Variants in NR2C2 observed in about 807,000 individuals in gnomAD.
NR2C2 encodes nuclear receptor subfamily 2 group C member 2, also known as Nuclear hormone receptor TR4.
A neutral mutation model predicts 62.9 loss-of-function variants in NR2C2; 6 were observed. That is an observed-to-expected ratio of 0.10 (90% CI 0.05 to 0.19). NR2C2 has a LOEUF of 0.19. NR2C2 is among the 10% of genes least tolerant of loss of function. The probability of loss-of-function intolerance (pLI) is 1.00; values close to 1 mark genes in which losing one functional copy is unlikely to be tolerated. For missense variants in NR2C2, 479 were observed against 762.7 expected (o/e 0.63, Z 4.38); for synonymous variants, 272 against 273.8 (o/e 0.99, Z 0.07).
chr3:14,967,511 A>T (rs1290901865), intron 1 of NR2C2, among the ~76,000 whole-genome samples: 1 of 152,114 alleles, frequency 6.6e-6, no homozygotes, highest in Non-Finnish European at 1.5e-5. Flanking sequence ...TAACAATGAA[A>T]TGACTGTGAA....
chr3:15,029,468 TTGTTCACTTGTGGTC>T (rs2041909513), intron 8 of NR2C2, among the ~76,000 whole-genome samples: 1 of 152,192 alleles, frequency 6.6e-6, no homozygotes, highest in South Asian at 2.1e-4. Flanking sequence ...TTCCAGTCCT[TTGTTCACTTGTGGTC>T]TGATAACAAA....
At chr3:14,952,800 T>G (rs1273274472) in intron 1 of NR2C2, among the ~76,000 whole-genome samples, 1 of 152,230 alleles carries the variant, frequency 6.6e-6, no homozygotes, top group Non-Finnish European at 1.5e-5. Context: ...ATCCCACTAT[T>G]GCTACCCGAG....
intron 2 of NR2C2, among the ~76,000 whole-genome samples, chr3:15,009,483 C>T (rs887693887): frequency 6.6e-6 from 1 of 152,146 alleles, no homozygotes. Context: ...TATTTACTAA[C>T]ATATCAATCA....
intron 10 of NR2C2, 141 bp from the exon 11 acceptor site, chr3:15,034,527 GAA>G: frequency 1.4e-6 from 1 of 700,038 alleles, no homozygotes; most frequent in Non-Finnish European, 2.3e-6. Flanking sequence ...TCCTTTTCTT[GAA>G]GAATGATCCT....
chr3:14,950,664 A>G (rs991079950), intron 1 of NR2C2, among the ~76,000 whole-genome samples: 18 of 152,154 alleles, frequency 1.2e-4, no homozygotes, highest in Non-Finnish European at 2.1e-4. Context: ...TTATAATTAC[A>G]CACTCTATTA....
At chr3:14,953,252 A>G (rs941806889) in intron 1 of NR2C2, among the ~76,000 whole-genome samples, 1 of 152,240 alleles carries the variant, frequency 6.6e-6, no homozygotes, top group Non-Finnish European at 1.5e-5. Context: ...ATAGGAGGTG[A>G]AACTTTCTAT....
chr3:14,952,678 T>C (rs2039401314), intron 1 of NR2C2, among the ~76,000 whole-genome samples: 1 of 152,232 alleles, frequency 6.6e-6, no homozygotes, highest in South Asian at 2.1e-4. Flanking sequence ...CTGTTACACA[T>C]TGTAAAAGAT....
intron 11 of NR2C2, among the ~76,000 whole-genome samples, chr3:15,037,515 G>A (rs1329076417): frequency 1.3e-5 from 2 of 152,206 alleles, no homozygotes; most frequent in Non-Finnish European, 2.9e-5. Context: ...ATGCTAAGGT[G>A]GGAGGATCAC....
intron 1 of NR2C2, among the ~76,000 whole-genome samples, chr3:14,986,307 A>G (rs1175664510): frequency 6.6e-6 from 1 of 152,212 alleles, no homozygotes; most frequent in African/African-American, 2.4e-5. Context: ...TGATATGACA[A>G]GTCACATACT....
intron 1 of NR2C2, among the ~76,000 whole-genome samples, chr3:14,951,598 C>T (rs904722785): frequency 2.0e-5 from 3 of 151,934 alleles, no homozygotes; most frequent in African/African-American, 7.3e-5. Context: ...AGTAAAACAG[C>T]TATATGTTGT....
chr3:15,041,074 C>T (rs1559313184), intron 13 of NR2C2, among the ~76,000 whole-genome samples: 3 of 152,304 alleles, frequency 2.0e-5, no homozygotes. Context: ...AGGGTGACGA[C>T]AGGTTACTTG....
chr3:14,962,596 G>A (rs2039717500), intron 1 of NR2C2: 1 of 150,984 alleles, frequency 6.6e-6, no homozygotes, highest in African/African-American at 2.4e-5. Context: ...AGGTCAGCAT[G>A]TGATACGTCC....
At chr3:14,948,091 G>T (rs1421367830) in intron 1 of NR2C2, 185 bp downstream of exon 1, 1 of 152,162 alleles carries the variant, frequency 6.6e-6, no homozygotes, top group African/African-American at 2.4e-5. Context: ...CCCCGCCCGC[G>T]GCCGGGCGAA....
rs940766534 is a variant in NR2C2 at position 15,044,384 on chromosome 3, C to T, written c.*1376C>T. ...CAGGCTGCTTGCTCCTTAAAAACAA[C>T]CCTCAATTTCCAGGGTGATAGTCTT... On this transcript the variant is annotated 3_prime_UTR_variant, in exon 14 of 14. Coordinates refer to ENST00000425241, the MANE Select transcript of NR2C2 (RefSeq NM_001291694.2). The T allele has an allele frequency of 6.6e-6, 1 of 152,186 alleles. No homozygotes were observed. 9.4% of individuals were successfully genotyped at this position (152,186 alleles called of 1,614,324 possible).
chr3:14,989,406 T>C (rs896769307), intron 1 of NR2C2, among the ~76,000 whole-genome samples: 11 of 152,148 alleles, frequency 7.2e-5, no homozygotes, highest in African/African-American at 2.7e-4. Flanking sequence ...TGAGCCCAGT[T>C]TTGTTGTTCT....
chr3:15,032,569 G>A, intron 10 of NR2C2, 69 bp downstream of exon 10: 3 of 1,582,964 alleles, frequency 1.9e-6, no homozygotes, highest in Non-Finnish European at 2.6e-6. Context: ...TGACCTGGAA[G>A]AACTCTGAGG....
chr3:15,035,298 G>A (rs1234089285), intron 11 of NR2C2, among the ~76,000 whole-genome samples: 1 of 152,160 alleles, frequency 6.6e-6, no homozygotes, highest in Non-Finnish European at 1.5e-5. Flanking sequence ...CTCAATGAAT[G>A]AATGAATGTT....
At chr3:14,953,587 G>C (rs2039432565) in intron 1 of NR2C2, among the ~76,000 whole-genome samples, 1 of 152,108 alleles carries the variant, frequency 6.6e-6, no homozygotes, top group African/African-American at 2.4e-5. Context: ...GCCCACCCAT[G>C]TTCCTTAAAA....
At chr3:15,004,032 C>G (rs2041097077) in intron 2 of NR2C2, 46 bp downstream of exon 2, 1 of 1,531,444 alleles carries the variant, frequency 6.5e-7, no homozygotes. Context: ...CAGAAGAACT[C>G]TTTCCAAAAA....
Sources: allele counts gnomAD v4.1 joint callset (sites outside exome capture counted in the v4.1 genomes callset), GRCh38; gene constraint gnomAD v4.1.1; transcripts MANE v1.5; gene names NCBI Gene and HGNC (gene_info 2026-07-23, HGNC 2026-07-21).